E2F3: variants seen among roughly 807,000 people sequenced by gnomAD.
E2F3 encodes transcription factor E2F3.
Under a neutral mutation model 44.4 loss-of-function variants are expected in E2F3, and 11 were observed. The observed-to-expected ratio is 0.25, with a 90% CI of 0.16 to 0.41. E2F3 has a LOEUF of 0.41. E2F3 is among the 10% of genes least tolerant of loss of function. The pLI, the probability that E2F3 is intolerant of heterozygous loss-of-function variation, is 1.00. For missense variants in E2F3, 487 were observed against 583.6 expected, an observed-to-expected ratio of 0.83 and a Z score of 1.70; for synonymous variants, 249 against 253.0, an observed-to-expected ratio of 0.98 and a Z score of 0.15.
intron 1 of E2F3, among the ~76,000 whole-genome samples, chr6:20,456,310 A>G (rs2127603719): frequency 6.6e-6 from 1 of 151,360 alleles, no homozygotes; most frequent in Middle Eastern, 3.4e-3. Flanking sequence ...CCAGTCCCCC[A>G]GTTAAAAAAA....
intron 1 of E2F3, among the ~76,000 whole-genome samples, chr6:20,407,970 G>C (rs1417468271): frequency 2.6e-5 from 4 of 152,228 alleles, no homozygotes; most frequent in Non-Finnish European, 5.9e-5. Context: ...AAAGAAGGTA[G>C]ATTTCACAAT....
chr6:20,408,375 A>G (rs559955666), intron 1 of E2F3, among the ~76,000 whole-genome samples: 1 of 152,356 alleles, frequency 6.6e-6, no homozygotes, highest in African/African-American at 2.4e-5. Context: ...TTCTATTTCA[A>G]TAAGAGGGAA....
At chr6:20,478,611 C>T (rs912044377) in intron 1 of E2F3, among the ~76,000 whole-genome samples, 1 of 152,266 alleles carries the variant, frequency 6.6e-6, no homozygotes, top group South Asian at 2.1e-4. Context: ...GACTTCGAGA[C>T]CAGCCTGGCC....
intron 1 of E2F3, among the ~76,000 whole-genome samples, chr6:20,407,713 T>C (rs890993970): frequency 6.6e-6 from 1 of 152,254 alleles, no homozygotes; most frequent in Non-Finnish European, 1.5e-5. Flanking sequence ...CAAGTACTCA[T>C]AGTTAATTTT....
intron 1 of E2F3, among the ~76,000 whole-genome samples, chr6:20,447,324 G>A (rs1760980597): frequency 6.6e-6 from 1 of 151,370 alleles, no homozygotes; most frequent in Admixed American, 6.6e-5. Flanking sequence ...GGATGTGTAT[G>A]TGTGTGTGTG....
chr6:20,460,561 A>G (rs901361039), intron 1 of E2F3, among the ~76,000 whole-genome samples: 1 of 152,324 alleles, frequency 6.6e-6, no homozygotes, highest in African/African-American at 2.4e-5. Flanking sequence ...TTAATGAACA[A>G]TAGTCATTTA....
chr6:20,488,277 A>G, intron 6 of E2F3, 29 bp downstream of exon 6: 1 of 1,559,672 alleles, frequency 6.4e-7, no homozygotes, highest in South Asian at 1.2e-5. Context: ...TCTTTTAGAA[A>G]CTATGTTAAA....
chr6:20,490,277 T>G lies in E2F3; in HGVS notation c.1245T>G (p.Pro415=). The change falls in exon 7 of 7, where the codon CCT becomes CCG. Residue 415 remains proline (P), a synonymous_variant. Transcript: ENST00000346618. The surrounding 1 kb of genome is among the most constrained non-coding windows in gnomAD (Gnocchi z 4.3). ...NLLQQTEDQI[P]SNLEGPFVNL... is the part of the protein sequence containing the mutation. Reference sequence around the variant, plus strand: ...TACAGCAGACTGAGGACCAAATTCCTTCCAACCTAGAAGGACCGTTTGTGA... The same window carrying G: ...TACAGCAGACTGAGGACCAAATTCCGTCCAACCTAGAAGGACCGTTTGTGA... The G allele has an allele frequency of 6.2e-7, 1 of 1,614,180 alleles. No individual in the cohort carries two copies.
intron 1 of E2F3, among the ~76,000 whole-genome samples, chr6:20,471,316 C>T (rs1761881393): frequency 6.6e-6 from 1 of 152,182 alleles, no homozygotes; most frequent in Non-Finnish European, 1.5e-5. Flanking sequence ...GGCACGGTGG[C>T]TCACACCTGT....
At chr6:20,406,304 A>G (rs1759491831) in intron 1 of E2F3, among the ~76,000 whole-genome samples, 2 of 152,244 alleles carry the variant, frequency 1.3e-5, no homozygotes, top group Non-Finnish European at 2.9e-5. Flanking sequence ...ATAGGGACAA[A>G]AACAGTGTCA....
intron 3 of E2F3, among the ~76,000 whole-genome samples, chr6:20,481,946 G>T (rs1005963984): frequency 6.6e-6 from 1 of 152,114 alleles, no homozygotes; most frequent in Non-Finnish European, 1.5e-5. Flanking sequence ...CGTCTGTAGA[G>T]CAGGGATGGT....
At chr6:20,480,085 G>A (rs1762172305) in intron 2 of E2F3, 128 bp downstream of exon 2, 2 of 1,426,228 alleles carry the variant, frequency 1.4e-6, no homozygotes, top group Non-Finnish European at 1.8e-6. Flanking sequence ...ATTTCTTTCT[G>A]TGCTTATCCA....
In E2F3 at chr6:20,491,811, C is replaced by T. The variant is rs541416153; in HGVS notation, c.*1381C>T. 4.2e-4 allele frequency: 76 copies of T among 179,744 alleles called. No homozygotes were observed. Among genetic ancestry groups the T allele is most frequent in the African/African-American group, 1.7e-3 (73 of 42,410 alleles). 11.1% of individuals were successfully genotyped at this position (179,744 alleles called of 1,614,324 possible). ...AAGTTGGACCAAGGGAAGTCGGGGA[C>T]GTAAAAAATGAAGCAAAACAATGCC... is the stretch of plus-strand genomic sequence containing the variant. On this transcript the variant is annotated 3_prime_UTR_variant, in exon 7 of 7. Coordinates refer to ENST00000346618, the MANE Select transcript of E2F3 (RefSeq NM_001949.5).
At chr6:20,407,863 CAA>C (rs957297422) in intron 1 of E2F3, among the ~76,000 whole-genome samples, 6 of 152,210 alleles carry the variant, frequency 3.9e-5, no homozygotes, top group African/African-American at 7.2e-5. Context: ...TAGGATGAGT[CAA>C]AATCAATTGC....
At chr6:20,472,459 G>A (rs1478971896) in intron 1 of E2F3, among the ~76,000 whole-genome samples, 2 of 152,080 alleles carry the variant, frequency 1.3e-5, no homozygotes, top group Admixed American at 1.3e-4. Context: ...GGCTGAGGTA[G>A]GAGGGTCATT....
intron 1 of E2F3, chr6:20,452,562 A>G (rs891088608): frequency 6.6e-6 from 1 of 152,072 alleles, no homozygotes; most frequent in Admixed American, 6.6e-5. Flanking sequence ...ATTTTTGCCA[A>G]TCTCATTTGT....
intron 1 of E2F3, among the ~76,000 whole-genome samples, chr6:20,472,497 G>A (rs1477612354): frequency 1.3e-5 from 2 of 151,786 alleles, no homozygotes; most frequent in Non-Finnish European, 2.9e-5. Context: ...GATTGGCTTG[G>A]ACAAAATAGC....
intron 1 of E2F3, among the ~76,000 whole-genome samples, chr6:20,448,729 T>A (rs887982095): frequency 3.3e-5 from 5 of 152,192 alleles, no homozygotes; most frequent in Non-Finnish European, 1.5e-5. Context: ...AATTTTATAT[T>A]CCTGAAGTCT....
At chr6:20,480,147 A>G in intron 2 of E2F3, 190 bp downstream of exon 2, 1 of 822,434 alleles carries the variant, frequency 1.2e-6, no homozygotes, top group Non-Finnish European at 1.5e-6. Flanking sequence ...ACAGAGTCAC[A>G]CTGGTACCAT....
Sources: gnomAD v4.1 joint callset for allele counts (sites outside exome capture counted in the v4.1 genomes callset) on GRCh38, gnomAD v4.1.1 for gene constraint, Gnocchi (gnomAD v3.1) non-coding constraint, MANE v1.5 for transcripts, NCBI Gene and HGNC (gene_info 2026-07-23, HGNC 2026-07-21) for gene names.